RPS6KA2: variants seen among roughly 807,000 people sequenced by gnomAD.
RPS6KA2 encodes the protein ribosomal protein S6 kinase alpha-2.
A neutral mutation model predicts 91.8 loss-of-function variants in RPS6KA2; 42 were observed. That is an observed-to-expected ratio of 0.46 (90% CI 0.36 to 0.59). The LOEUF (loss-of-function observed/expected upper bound fraction) is 0.59. Among genes scored for constraint, RPS6KA2 ranks in the 20% least tolerant of loss-of-function variants. The probability of loss-of-function intolerance (pLI) is 0.00; values close to 1 mark genes in which losing one functional copy is unlikely to be tolerated. For synonymous variants in RPS6KA2, 414 were observed against 393.6 expected (o/e 1.05, Z -0.61); for missense variants, 798 against 978.5 (o/e 0.82, Z 2.46).
At chr6:166,577,100 T>G (rs1241564211) in intron 1 of RPS6KA2, among the ~76,000 whole-genome samples, 1 of 152,132 alleles carries the variant, frequency 6.6e-6, no homozygotes, top group Non-Finnish European at 1.5e-5. Flanking sequence ...TGCACAGAAG[T>G]CAAGAACTGG....
intron 1 of RPS6KA2, among the ~76,000 whole-genome samples, chr6:166,587,667 T>G (rs1353916458): frequency 1.9e-5 from 1 of 52,638 alleles, no homozygotes; most frequent in Non-Finnish European, 3.4e-5. Flanking sequence ...AAATAAATAT[T>G]ATATATATAT....
At chr6:166,488,713 T>A (rs1429069082) in intron 10 of RPS6KA2, 120 bp downstream of exon 10, 16 of 719,134 alleles carry the variant, frequency 2.2e-5, no homozygotes, top group Non-Finnish European at 3.6e-5. Context: ...GTGAGGTCTG[T>A]TTTCAGTGAC....
rs377211777 is a variant in RPS6KA2, at chr6:166,824,687, A to G, written c.123+33513T>C. ...TCTATGTGTGTGTCTGTGTGTCTAC[A>G]TGTGTGTCTGTGTCTGTGTGTGTGT... On this transcript the variant is annotated intron_variant, in intron 2 of 21. Coordinates refer to the RPS6KA2 transcript ENST00000503859. 3.3e-3 allele frequency among the ~76,000 whole-genome samples: 426 copies of G among 129,906 alleles called. 2 individuals carry two copies. The highest frequency in any genetic ancestry group is 0.012 in the African/African-American group (407 of 32,728). 85.2% of individuals were successfully genotyped at this position (129,906 alleles called of 152,430 possible). A position where few individuals can be genotyped will look rare whatever the true frequency, so the allele number is the denominator to read the frequency against.
In RPS6KA2 at chr6:166,724,252, G is replaced by T. The variant is rs535268478; in HGVS notation, c.123+133948C>A. Among the ~76,000 whole-genome samples, 14 of 152,136 alleles carry T rather than the reference G, an allele frequency of 9.2e-5. No individual in the cohort carries two copies. In the South Asian group the frequency reaches 2.3e-3, roughly 25 times the overall value. On this transcript the variant is annotated intron_variant, in intron 2 of 21. Coordinates refer to the RPS6KA2 transcript ENST00000503859. ...CAATGAGTTAAAGTTTCCTAACTTT[G>T]TAATACTTTTTCTTCTTGTATTTTC... is the stretch of plus-strand genomic sequence containing the variant.
chr6:166,483,715 C>G (rs960914718), intron 10 of RPS6KA2, among the ~76,000 whole-genome samples: 1 of 152,158 alleles, frequency 6.6e-6, no homozygotes. Flanking sequence ...GAAGGGAGGA[C>G]CCAGGCCTCT....
At chr6:166,836,452 T>C (rs1444728912) in intron 2 of RPS6KA2, among the ~76,000 whole-genome samples, 1 of 149,442 alleles carries the variant, frequency 6.7e-6, no homozygotes, top group African/African-American at 2.5e-5. Context: ...AATATACATG[T>C]TAATTATTTT....
intron 2 of RPS6KA2, chr6:166,702,255 T>C: frequency 6.2e-7 from 1 of 1,613,250 alleles, no homozygotes; most frequent in Non-Finnish European, 8.5e-7. Context: ...TCACATGGTT[T>C]CTGCTTGGAC....
chr6:166,783,358 A>ACTG (rs1302948989), intron 2 of RPS6KA2, among the ~76,000 whole-genome samples: 6 of 152,132 alleles, frequency 3.9e-5, no homozygotes, highest in South Asian at 2.1e-4. Context: ...CCTGAAGAGG[A>ACTG]AGGAACTCTG....
At chr6:166,684,878 T>A (rs570937973) in intron 2 of RPS6KA2, among the ~76,000 whole-genome samples, 2 of 152,378 alleles carry the variant, frequency 1.3e-5, no homozygotes, top group East Asian at 3.9e-4. Context: ...TTCCAATTTA[T>A]AATAAGAGAA....
At chr6:166,480,503 A>ATATATATATATATATATATATG (rs1781167648) in intron 10 of RPS6KA2, among the ~76,000 whole-genome samples, 1 of 125,404 alleles carries the variant, frequency 8.0e-6, no homozygotes, top group African/African-American at 3.0e-5. Flanking sequence ...ATATATATAT[A>ATATATATATATATATATATATG]TATATATATA....
chr6:166,532,190 C>G (rs1783303029), intron 2 of RPS6KA2, among the ~76,000 whole-genome samples: 1 of 152,200 alleles, frequency 6.6e-6, no homozygotes, highest in Non-Finnish European at 1.5e-5. Context: ...CCAGAAAGAC[C>G]AGCCACTATA....
rs1159715030 is a variant in RPS6KA2, at chr6:166,648,012, G to A, written c.124-109228C>T. On this transcript the variant is annotated intron_variant, in intron 2 of 21. Coordinates refer to the RPS6KA2 transcript ENST00000503859. This position sits in a 1 kb window ranked among gnomAD's most constrained non-coding sequence, Gnocchi z 4.8. ...CACGCACATGCTCACACACGCACAT[G>A]CTTACACACATACATACACACATGC... Among the ~76,000 whole-genome samples, 1 of 119,364 alleles carries A rather than the reference G, an allele frequency of 8.4e-6. No homozygotes were observed. Among genetic ancestry groups the A allele is most frequent in the Non-Finnish European group, 1.7e-5 (1 of 60,000 alleles). The allele number at this position is 119,364 out of a possible 152,430, so 78.3% of individuals were successfully genotyped here. A position where few individuals can be genotyped will look rare whatever the true frequency, so the allele number is the denominator to read the frequency against.
At position 166,496,282 on chromosome 6, in the gene RPS6KA2, G is replaced by A. The variant is rs149467591; in HGVS notation, c.747+2226C>T. On this transcript the variant is annotated intron_variant, in intron 8 of 20. Coordinates refer to ENST00000265678, the MANE Select transcript of RPS6KA2 (RefSeq NM_021135.6). ...GGAGAATGGCTTGAACCCAGGAGGC[G>A]GAGGTTGCAGTGAGCTGAGATTGCA... Among the ~76,000 whole-genome samples the A allele has an allele frequency of 8.6e-3, 1,307 of 151,674 alleles. 19 individuals are homozygous for A. Among genetic ancestry groups the A allele is most frequent in the African/African-American group, 0.03 (1,243 of 41,190 alleles).
At chr6:166,766,431 A>G (rs1356131705) in intron 2 of RPS6KA2, among the ~76,000 whole-genome samples, 1 of 152,230 alleles carries the variant, frequency 6.6e-6, no homozygotes, top group Admixed American at 6.5e-5. Context: ...GAAAAAATAC[A>G]TATAATTGTA....
chr6:166,484,921 C>T (rs144930172), intron 10 of RPS6KA2, among the ~76,000 whole-genome samples: 1 of 152,350 alleles, frequency 6.6e-6, no homozygotes, highest in East Asian at 1.9e-4. Flanking sequence ...GAAGTACTGT[C>T]ACGAGAATTC....
chr6:166,485,240 C>T (rs983379856), intron 10 of RPS6KA2, among the ~76,000 whole-genome samples: 3 of 152,244 alleles, frequency 2.0e-5, no homozygotes, highest in Admixed American at 6.5e-5. Flanking sequence ...GGACCAGACA[C>T]TGAAAAGGCT....
At chr6:166,755,288 C>T (rs695202) in intron 2 of RPS6KA2, among the ~76,000 whole-genome samples, 37,532 of 151,732 alleles carry the variant, frequency 0.25, 7,734 homozygotes, top group African/African-American at 0.56. Context: ...TTAGCCTTAC[C>T]GCCCCAGCCT....
At chr6:166,656,159 A>T (rs1787996146) in intron 2 of RPS6KA2, among the ~76,000 whole-genome samples, 1 of 152,248 alleles carries the variant, frequency 6.6e-6, no homozygotes, top group African/African-American at 2.4e-5. Context: ...TAAGCCTCAA[A>T]AACAGGTAAA....
At chr6:166,546,993 G>T (rs1783848097) in intron 1 of RPS6KA2, among the ~76,000 whole-genome samples, 1 of 152,136 alleles carries the variant, frequency 6.6e-6, no homozygotes, top group South Asian at 2.1e-4. Context: ...TTGTCACCCA[G>T]ACTGGAGTGC....
Sources: gnomAD v4.1 joint callset for allele counts (sites outside exome capture counted in the v4.1 genomes callset) on GRCh38, gnomAD v4.1.1 for gene constraint, Gnocchi (gnomAD v3.1) non-coding constraint, MANE v1.5 for transcripts, NCBI Gene and HGNC (gene_info 2026-07-23, HGNC 2026-07-21) for gene names.